The following NPAS3 variants were observed in gnomAD, a reference collection of about 807,000 sequenced individuals.
The protein encoded by NPAS3 is neuronal PAS domain protein 3.
Under a neutral mutation model 73.1 loss-of-function variants are expected in NPAS3, and 14 were observed. That is an observed-to-expected ratio of 0.19 (90% CI 0.13 to 0.30). The LOEUF (loss-of-function observed/expected upper bound fraction) is 0.30. Among genes scored for constraint, NPAS3 ranks in the 10% least tolerant of loss-of-function variants. NPAS3 has a pLI of 1.00. For synonymous variants in NPAS3, 620 were observed against 541.5 expected (o/e 1.14, Z -2.01); for missense variants, 1,096 against 1,250.0 (o/e 0.88, Z 1.86).
At chr14:33,532,571 C>T (rs1052138105) in intron 4 of NPAS3, among the ~76,000 whole-genome samples, 4 of 152,036 alleles carry the variant, frequency 2.6e-5, no homozygotes, top group African/African-American at 9.7e-5. Context: ...AATGGCTCAA[C>T]CTAGGATTTG....
intron 4 of NPAS3, among the ~76,000 whole-genome samples, chr14:33,372,255 G>A (rs1163591530): frequency 6.6e-6 from 1 of 152,082 alleles, no homozygotes. Flanking sequence ...GTGTCCCTTT[G>A]TGTGGAGGAT....
intron 4 of NPAS3, among the ~76,000 whole-genome samples, chr14:33,432,276 T>G (rs948927443): frequency 6.6e-6 from 1 of 152,204 alleles, no homozygotes; most frequent in Admixed American, 6.5e-5. Flanking sequence ...AGTAAAATGT[T>G]CCTGTGCATT....
chr14:33,579,637 T>G (rs1185457185), intron 5 of NPAS3, among the ~76,000 whole-genome samples: 1 of 151,772 alleles, frequency 6.6e-6, no homozygotes, highest in Non-Finnish European at 1.5e-5. Context: ...GTGCATTTAA[T>G]TAGGGGTCTT....
At chr14:33,154,055 C>A (rs1052488054) in intron 2 of NPAS3, among the ~76,000 whole-genome samples, 1 of 152,126 alleles carries the variant, frequency 6.6e-6, no homozygotes, top group Admixed American at 6.5e-5. Context: ...CTTTGTTGTA[C>A]AAATATTTAG....
intron 5 of NPAS3, among the ~76,000 whole-genome samples, chr14:33,597,329 C>T (rs1272836603): frequency 6.6e-6 from 1 of 152,176 alleles, no homozygotes; most frequent in Non-Finnish European, 1.5e-5. Context: ...TATGGCTGCT[C>T]ATTTCACGTA....
At chr14:33,198,111 A>G (rs56777819) in intron 2 of NPAS3, among the ~76,000 whole-genome samples, 32,142 of 152,040 alleles carry the variant, frequency 0.21, 3,842 homozygotes, top group South Asian at 0.38. Context: ...GGGGTTCGTG[A>G]TCTCACTGGC....
intron 4 of NPAS3, among the ~76,000 whole-genome samples, chr14:33,431,158 T>C (rs1467351975): frequency 6.6e-6 from 1 of 152,202 alleles, no homozygotes; most frequent in Non-Finnish European, 1.5e-5. Flanking sequence ...TTGATTACTT[T>C]TCCATGTTTG....
intron 3 of NPAS3, among the ~76,000 whole-genome samples, chr14:33,307,959 T>TC (rs1336708913): frequency 3.3e-5 from 5 of 152,134 alleles, no homozygotes; most frequent in Non-Finnish European, 7.3e-5. Flanking sequence ...CGCCACATCC[T>TC]CCCTTCATTG....
chr14:33,706,208 G>A (rs555403378), intron 6 of NPAS3, among the ~76,000 whole-genome samples: 1 of 152,294 alleles, frequency 6.6e-6, no homozygotes, highest in Admixed American at 6.5e-5. Context: ...TGAGCTAGTA[G>A]GGGGTTTCTG....
At chr14:33,560,875 A>G (rs2139756668) in intron 5 of NPAS3, among the ~76,000 whole-genome samples, 1 of 152,342 alleles carries the variant, frequency 6.6e-6, no homozygotes, top group African/African-American at 2.4e-5. Flanking sequence ...CAAAAATTTA[A>G]GTTCCAGTGA....
At chr14:33,064,695 TAG>T (rs2138600604) in intron 2 of NPAS3, among the ~76,000 whole-genome samples, 1 of 152,312 alleles carries the variant, frequency 6.6e-6, no homozygotes, top group South Asian at 2.1e-4. Context: ...CTGGAACACT[TAG>T]AAAACACAGG....
At chr14:33,202,379 G>A (rs1468893171) in intron 2 of NPAS3, among the ~76,000 whole-genome samples, 1 of 151,922 alleles carries the variant, frequency 6.6e-6, no homozygotes, top group Admixed American at 6.6e-5. Context: ...CTCCAGCCTG[G>A]GTGACAGAGT....
intron 3 of NPAS3, among the ~76,000 whole-genome samples, chr14:33,269,995 C>T (rs140520496): frequency 0.025 from 3,766 of 152,140 alleles, 70 homozygotes; most frequent in Middle Eastern, 0.058. Context: ...TGAGGGAGTG[C>T]TCTCAAGTGA....
rs368996419 is a variant in NPAS3, at chr14:32,983,802, A to G, written c.50+44436A>G. On this transcript the variant is annotated intron_variant, in intron 1 of 11. Transcript: ENST00000356141. ...AGTGGCATGATCTTGGCTCATTGCA[A>G]CTTCCACCTCCCAGATTCAAGCAAT... Among the ~76,000 whole-genome samples the G allele has an allele frequency of 9.2e-5, 14 of 152,142 alleles. No homozygotes were observed. The East Asian group carries it at 2.5e-3, about 27-fold the overall frequency.
chr14:33,582,970 G>GT (rs55885070), intron 5 of NPAS3, among the ~76,000 whole-genome samples: 30,423 of 94,106 alleles, frequency 0.32, 5,008 homozygotes, highest in Middle Eastern at 0.37. Flanking sequence ...TATTTAAAGG[G>GT]TTTTTTTTTT....
intron 4 of NPAS3, among the ~76,000 whole-genome samples, chr14:33,498,838 A>T (rs2052352455): frequency 6.6e-6 from 1 of 151,958 alleles, no homozygotes; most frequent in Non-Finnish European, 1.5e-5. Flanking sequence ...GTATAATTTT[A>T]AAAAAAGAAA....
At chr14:33,773,483 C>T (rs1440421883) in intron 7 of NPAS3, among the ~76,000 whole-genome samples, 1 of 152,178 alleles carries the variant, frequency 6.6e-6, no homozygotes, top group African/African-American at 2.4e-5. Context: ...ATTTTTTACC[C>T]TTTTATGATT....
chr14:33,678,754 GAAAA>G (rs33960834), intron 6 of NPAS3, among the ~76,000 whole-genome samples: 1 of 146,334 alleles, frequency 6.8e-6, no homozygotes, highest in South Asian at 2.2e-4. Flanking sequence ...GACTTTGGGA[GAAAA>G]AAAAAAAAAT....
chr14:33,581,634 G>A (rs912998827), intron 5 of NPAS3, among the ~76,000 whole-genome samples: 14 of 152,142 alleles, frequency 9.2e-5, no homozygotes, highest in Admixed American at 5.9e-4. Context: ...GCAGTGTCAC[G>A]ATCAGAGCTC....
Sources: gnomAD v4.1 joint callset for allele counts (sites outside exome capture counted in the v4.1 genomes callset) on GRCh38, gnomAD v4.1.1 for gene constraint, MANE v1.5 for transcripts, NCBI Gene and HGNC (gene_info 2026-07-23, HGNC 2026-07-21) for gene names.